The following PLD5 variants were observed in gnomAD, a reference collection of about 807,000 sequenced individuals.
The protein encoded by PLD5 is phospholipase D family member 5.
A neutral mutation model predicts 61.1 loss-of-function variants in PLD5; 36 were observed. The observed-to-expected ratio is 0.59, with a 90% confidence interval of 0.45 to 0.78. The LOEUF is 0.78. Ranked by LOEUF, PLD5 falls within the 30% of genes least tolerant of loss-of-function variation. The pLI is 0.00. For missense variants in PLD5, 515 were observed against 644.4 expected (o/e 0.80, Z 2.17); for synonymous variants, 243 against 242.8 (o/e 1.00, Z -0.01).
chr1:242,118,968 T>C (rs1009443675), intron 6 of PLD5, among the ~76,000 whole-genome samples: 4 of 152,210 alleles, frequency 2.6e-5, no homozygotes, highest in Non-Finnish European at 5.9e-5. Flanking sequence ...AGGGCTAAGT[T>C]TCCCTCTCAT....
intron 1 of PLD5, among the ~76,000 whole-genome samples, chr1:242,428,060 A>G (rs1300068246): frequency 6.6e-6 from 1 of 152,234 alleles, no homozygotes; most frequent in Non-Finnish European, 1.5e-5. Flanking sequence ...AGAAACTTCC[A>G]AATACACTCC....
intron 2 of PLD5, among the ~76,000 whole-genome samples, chr1:242,320,367 T>C (rs1483272137): frequency 2.0e-5 from 3 of 152,194 alleles, no homozygotes; most frequent in Non-Finnish European, 4.4e-5. Context: ...ATGGAAGCAC[T>C]ATGGTTAGCT....
chr1:242,185,918 G>C (rs78657808), intron 5 of PLD5, among the ~76,000 whole-genome samples: 3,797 of 152,062 alleles, frequency 0.025, 178 homozygotes, highest in African/African-American at 0.087. Flanking sequence ...GACTAATGTG[G>C]AGCCAGCATC....
intron 8 of PLD5, among the ~76,000 whole-genome samples, chr1:242,107,078 C>T (rs137979057): frequency 2.4e-3 from 360 of 152,260 alleles, no homozygotes; most frequent in African/African-American, 7.9e-3. Context: ...GGGACCCAGA[C>T]GACGAGGCAT....
At chr1:242,114,199 T>C (rs1200922427) in intron 6 of PLD5, among the ~76,000 whole-genome samples, 173 bp from the exon 7 acceptor site, 2 of 152,232 alleles carry the variant, frequency 1.3e-5, no homozygotes, top group Non-Finnish European at 2.9e-5. Flanking sequence ...TGAATAAAGA[T>C]CAAAGTGTGG....
At chr1:242,323,435 C>T (rs1356371903) in intron 2 of PLD5, among the ~76,000 whole-genome samples, 2 of 152,114 alleles carry the variant, frequency 1.3e-5, no homozygotes, top group African/African-American at 4.8e-5. Context: ...ATCTGACATC[C>T]CAAAGGCTAA....
intron 2 of PLD5, among the ~76,000 whole-genome samples, chr1:242,291,990 A>G (rs2455532): frequency 2.6e-5 from 4 of 152,316 alleles, no homozygotes; most frequent in Middle Eastern, 3.4e-3. Flanking sequence ...AGACCTTTAG[A>G]GAAGCAGGAA....
chr1:242,106,939 G>C (rs1661103339), intron 8 of PLD5, among the ~76,000 whole-genome samples: 1 of 152,140 alleles, frequency 6.6e-6, no homozygotes, highest in Admixed American at 6.5e-5. Flanking sequence ...GGGCGACGAG[G>C]ACTGGAGTAG....
chr1:242,224,492 A>G (rs903107004), intron 4 of PLD5, among the ~76,000 whole-genome samples: 2 of 152,174 alleles, frequency 1.3e-5, no homozygotes, highest in African/African-American at 4.8e-5. Flanking sequence ...AAGAGTTATT[A>G]TGTTAAAATG....
chr1:242,288,705 C>G (rs1421211864), intron 2 of PLD5, among the ~76,000 whole-genome samples, 175 bp from the exon 3 acceptor site: 1 of 152,234 alleles, frequency 6.6e-6, no homozygotes, highest in Admixed American at 6.5e-5. Context: ...TTAACCTCTA[C>G]TAACCTACTG....
At chr1:242,124,123 T>C (rs1197717459) in intron 6 of PLD5, among the ~76,000 whole-genome samples, 1 of 152,214 alleles carries the variant, frequency 6.6e-6, no homozygotes, top group African/African-American at 2.4e-5. Flanking sequence ...AGCTGGGTGC[T>C]GGCTCCGCTC....
chr1:242,303,743 T>C (rs1676190130), intron 2 of PLD5, among the ~76,000 whole-genome samples: 1 of 152,204 alleles, frequency 6.6e-6, no homozygotes. Flanking sequence ...AGGAAAAAGA[T>C]AGTAGAGCAG....
chr1:242,313,106 A>G (rs1190200543), intron 2 of PLD5, among the ~76,000 whole-genome samples: 1 of 152,252 alleles, frequency 6.6e-6, no homozygotes, highest in African/African-American at 2.4e-5. Context: ...CTTTGCATGT[A>G]GGAAAATCTC....
chr1:242,320,876 A>T (rs1308342926), intron 2 of PLD5, among the ~76,000 whole-genome samples: 2 of 152,012 alleles, frequency 1.3e-5, no homozygotes, highest in Non-Finnish European at 2.9e-5. Context: ...TCTCCAAGTG[A>T]TTCTAACATG....
intron 5 of PLD5, among the ~76,000 whole-genome samples, chr1:242,187,894 C>T (rs1649251602): frequency 6.6e-6 from 1 of 152,088 alleles, no homozygotes; most frequent in Non-Finnish European, 1.5e-5. Flanking sequence ...ACAAAAGTTA[C>T]AGTTAGAAAT....
chr1:242,357,649 C>T (rs980393521), intron 1 of PLD5, among the ~76,000 whole-genome samples: 1 of 151,910 alleles, frequency 6.6e-6, no homozygotes, highest in African/African-American at 2.4e-5. Context: ...CCACACCTGG[C>T]TAATTTTTTG....
In PLD5 at chr1:242,218,561, T is replaced by C. The variant is rs575527505; in HGVS notation, c.735+1427A>G. ...CCTATGACCACCATATCATTATGGA[T>C]TTGCAATTGGAAAGATTCCAGTGAG... is the stretch of plus-strand genomic sequence containing the variant. On this transcript the variant is annotated intron_variant, in intron 5 of 9. Transcript: ENST00000536534. Among the ~76,000 whole-genome samples the C allele has an allele frequency of 2.6e-5, 4 of 152,346 alleles. No homozygotes were observed. The East Asian group carries it at 7.7e-4, about 29-fold the overall frequency.
chr1:242,369,864 T>C lies in PLD5; in HGVS notation c.190-21622A>G, dbSNP rs547171649. Among the ~76,000 whole-genome samples, 6 of 152,328 alleles carry C rather than the reference T, an allele frequency of 3.9e-5. No individual in the cohort carries two copies. The East Asian group carries it at 1.2e-3, about 29-fold the overall frequency. On this transcript the variant is annotated intron_variant, in intron 1 of 9. Transcript: ENST00000536534. The stretch of plus-strand genomic sequence containing the variant: ...GGTGGTCTGCATTTACTTAAAGTTC[T>C]TCCAATTACTAAGCAGAGGTAGATA...
chr1:242,371,878 T>A (rs901417470), intron 1 of PLD5, among the ~76,000 whole-genome samples: 21 of 152,184 alleles, frequency 1.4e-4, no homozygotes, highest in Middle Eastern at 3.4e-3. Context: ...TTTTTTTTTT[T>A]AATTATACTT....
Sources: allele counts gnomAD v4.1 joint callset (sites outside exome capture counted in the v4.1 genomes callset), GRCh38; gene constraint gnomAD v4.1.1; transcripts MANE v1.5; gene names NCBI Gene and HGNC (gene_info 2026-07-23, HGNC 2026-07-21).